PCCB: variants seen among roughly 807,000 people sequenced by gnomAD.
PCCB encodes the protein propionyl-CoA carboxylase beta chain, mitochondrial.
In PCCB, 43 loss-of-function variants were observed where a neutral mutation model predicts 60.7. The ratio of observed to expected loss-of-function variants is 0.71; its 90% confidence interval spans 0.55 to 0.91. The LOEUF (loss-of-function observed/expected upper bound fraction) is 0.91. Among genes scored for constraint, PCCB ranks in the 40% least tolerant of loss-of-function variants. The pLI is 0.00. For missense variants in PCCB, 766 were observed against 702.8 expected (o/e 1.09, Z -1.02); for synonymous variants, 276 against 255.9 (o/e 1.08, Z -0.75).
Position 136,306,658 on chromosome 3 carries a change from T to A in PCCB, c.966+5547T>A, listed in dbSNP as rs1396403314. Among the ~76,000 whole-genome samples, 3 of 122,456 alleles carry A rather than the reference T, an allele frequency of 2.4e-5. 1 individual carries two copies. Among genetic ancestry groups the A allele is most frequent in the African/African-American group, 7.5e-5 (3 of 40,110 alleles). 80.3% of individuals were successfully genotyped at this position (122,456 alleles called of 152,430 possible). On this transcript the variant is annotated intron_variant, in intron 9 of 14. Coordinates refer to ENST00000251654, the MANE Select transcript of PCCB (RefSeq NM_000532.5). ...TTATAAAATTTTAAAATAGTACAGA[T>A]ACCTTTAATACAATTATTGGTTATA... is the stretch of plus-strand genomic sequence containing the variant.
At chr3:136,290,948 T>C (rs1020795378) in intron 6 of PCCB, among the ~76,000 whole-genome samples, 3 of 152,050 alleles carry the variant, frequency 2.0e-5, no homozygotes, top group Non-Finnish European at 4.4e-5. Flanking sequence ...TCTTGAGATA[T>C]CCTCAAGCTC....
intron 9 of PCCB, among the ~76,000 whole-genome samples, chr3:136,308,870 A>C (rs1194061393): frequency 1.3e-5 from 2 of 152,234 alleles, no homozygotes; most frequent in Non-Finnish European, 2.9e-5. Flanking sequence ...GAATTCTAAA[A>C]GAAAAAAAGA....
At chr3:136,310,666 A>G (rs934159938) in intron 9 of PCCB, among the ~76,000 whole-genome samples, 7 of 152,252 alleles carry the variant, frequency 4.6e-5, no homozygotes, top group African/African-American at 9.6e-5. Flanking sequence ...TTTTAAAAGA[A>G]GTATGATATC....
At position 136,326,437 on chromosome 3, in the gene PCCB, A is replaced by G. The variant is rs1344734220; in HGVS notation, c.1091-366A>G. 12 of 701,854 alleles carry G rather than the reference A, an allele frequency of 1.7e-5. No homozygotes were observed. The East Asian group carries it at 2.7e-4, about 16-fold the overall frequency. The allele number at this position is 701,854 out of a possible 1,614,324, so 43.5% of individuals were successfully genotyped here. On this transcript the variant is annotated intron_variant, in intron 10 of 14. Coordinates refer to ENST00000251654, the MANE Select transcript of PCCB (RefSeq NM_000532.5). ...AGTAATTTCTCAAGGGCACGTTGCC[A>G]TCATCAGTGGAGCCAGAATCTGATT...
intron 9 of PCCB, among the ~76,000 whole-genome samples, chr3:136,310,653 A>G (rs964854933): frequency 6.6e-6 from 1 of 152,192 alleles, no homozygotes; most frequent in Non-Finnish European, 1.5e-5. Flanking sequence ...ACCTTCCAAA[A>G]TTTTTTAAAA....
At chr3:136,280,848 C>G (rs1035320557) in intron 5 of PCCB, among the ~76,000 whole-genome samples, 10 of 152,142 alleles carry the variant, frequency 6.6e-5, no homozygotes, top group Non-Finnish European at 1.5e-4. Context: ...GAGATCAGGG[C>G]TCACTATATC....
chr3:136,305,980 A>C (rs988104362), intron 9 of PCCB, among the ~76,000 whole-genome samples: 1 of 121,316 alleles, frequency 8.2e-6, no homozygotes, highest in South Asian at 3.2e-4. Flanking sequence ...AATCGAATAC[A>C]CTGAAGGACA....
At chr3:136,266,126 C>T (rs1316511819) in intron 5 of PCCB, among the ~76,000 whole-genome samples, 1 of 145,190 alleles carries the variant, frequency 6.9e-6, no homozygotes, top group African/African-American at 2.6e-5. Flanking sequence ...CCATGCCCAG[C>T]CTTGGTTTTT....
chr3:136,258,464 G>A (rs1239055649), intron 3 of PCCB, among the ~76,000 whole-genome samples: 3 of 152,168 alleles, frequency 2.0e-5, no homozygotes, highest in African/African-American at 7.2e-5. Flanking sequence ...AGGCCCTGAA[G>A]GATACTGAGG....
chr3:136,279,876 C>T (rs963712331), intron 5 of PCCB, among the ~76,000 whole-genome samples: 4 of 152,082 alleles, frequency 2.6e-5, no homozygotes, highest in African/African-American at 7.2e-5. Flanking sequence ...CCGTGTTAGC[C>T]AGGATGGTCT....
At chr3:136,292,164 A>G (rs1489113222) in intron 6 of PCCB, among the ~76,000 whole-genome samples, 1 of 151,290 alleles carries the variant, frequency 6.6e-6, no homozygotes, top group Non-Finnish European at 1.5e-5. Context: ...TCAGCTTTTT[A>G]TTTGTTAAGA....
intron 10 of PCCB, chr3:136,326,379 T>G: frequency 1.4e-6 from 1 of 702,916 alleles, no homozygotes; most frequent in Non-Finnish European, 2.6e-6. Context: ...TCGTCCCTAC[T>G]TTGCAGGTAA....
chr3:136,327,059 G>T, intron 11 of PCCB, 96 bp from the exon 12 acceptor site: 1 of 1,229,286 alleles, frequency 8.1e-7, no homozygotes, highest in Non-Finnish European at 1.2e-6. Context: ...TGTAAGGAAT[G>T]GCCCTCTCCA....
intron 5 of PCCB, among the ~76,000 whole-genome samples, chr3:136,279,047 A>G (rs573450569): frequency 1.0e-3 from 153 of 152,212 alleles, no homozygotes; most frequent in African/African-American, 3.5e-3. Flanking sequence ...ACCTTTTATC[A>G]ATATGTCTCT....
chr3:136,273,076 A>G (rs566871372), intron 5 of PCCB, among the ~76,000 whole-genome samples: 146 of 152,320 alleles, frequency 9.6e-4, no homozygotes, highest in African/African-American at 3.1e-3. Context: ...GTTAACCCAG[A>G]AATTATTCAG....
intron 8 of PCCB, among the ~76,000 whole-genome samples, chr3:136,300,652 T>G (rs967677473): frequency 6.6e-6 from 1 of 152,242 alleles, no homozygotes; most frequent in Non-Finnish European, 1.5e-5. Context: ...CCTTGTTCTT[T>G]TAATGTTCCA....
chr3:136,327,100 G>T (rs760870834), intron 11 of PCCB, 55 bp from the exon 12 acceptor site: 7 of 1,506,938 alleles, frequency 4.6e-6, no homozygotes, highest in Non-Finnish European at 5.5e-6. Flanking sequence ...GCTGAGAGTG[G>T]CAGGATAACC....
chr3:136,257,430 T>G (rs1941702195), intron 3 of PCCB, among the ~76,000 whole-genome samples: 2 of 152,200 alleles, frequency 1.3e-5, no homozygotes, highest in African/African-American at 4.8e-5. Context: ...TTTAGCCCAG[T>G]CAATCCTGTG....
chr3:136,293,192 T>C (rs1159979497), intron 6 of PCCB, among the ~76,000 whole-genome samples: 2 of 152,170 alleles, frequency 1.3e-5, no homozygotes, highest in Admixed American at 1.3e-4. Flanking sequence ...TTATGGAGAC[T>C]GGGTCTCGCT....
Sources: allele counts gnomAD v4.1 joint callset (sites outside exome capture counted in the v4.1 genomes callset), GRCh38; gene constraint gnomAD v4.1.1; transcripts MANE v1.5; gene names NCBI Gene and HGNC (gene_info 2026-07-23, HGNC 2026-07-21).